Variants in ALG14 observed in about 807,000 individuals in gnomAD.
ALG14 encodes ALG14 UDP-N-acetylglucosaminyltransferase subunit.
In ALG14, 17 loss-of-function variants were observed where a neutral mutation model predicts 22.8. That is an observed-to-expected ratio of 0.75 (90% CI 0.51 to 1.12). The LOEUF is 1.12. Among genes scored for constraint, ALG14 ranks in the 50% most tolerant of loss-of-function variants. The probability of loss-of-function intolerance (pLI) is 0.00; values close to 1 mark genes in which losing one functional copy is unlikely to be tolerated. For synonymous variants in ALG14, 89 were observed against 103.7 expected (o/e 0.86, Z 0.86); for missense variants, 288 against 271.8 (o/e 1.06, Z -0.42).
chr1:95,045,945 T>C lies in ALG14; in HGVS notation c.289-18685A>G, dbSNP rs546409631. On this transcript the variant is annotated intron_variant, in intron 2 of 3. Transcript: ENST00000370205. ...TTAGTATACTAATAGAATAGTATAC[T>C]AATAATTAGTATACTAATAGAATAG... Among the ~76,000 whole-genome samples, 69 of 148,374 alleles carry C rather than the reference T, an allele frequency of 4.7e-4. 1 individual carries two copies. The highest frequency in any genetic ancestry group is 1.5e-3 in the African/African-American group (63 of 40,700).
chr1:95,056,663 T>G (rs1674942873), intron 2 of ALG14, among the ~76,000 whole-genome samples: 1 of 151,306 alleles, frequency 6.6e-6, no homozygotes, highest in South Asian at 2.1e-4. Context: ...AAGAAAAATA[T>G]TAAAACTTCT....
At chr1:95,014,786 TTA>T (rs1481911965) in intron 3 of ALG14, among the ~76,000 whole-genome samples, 3 of 152,190 alleles carry the variant, frequency 2.0e-5, no homozygotes, top group Non-Finnish European at 4.4e-5. Flanking sequence ...CAAGTAGGTT[TTA>T]TGATCCCAGA....
intron 2 of ALG14, among the ~76,000 whole-genome samples, chr1:95,054,251 T>A (rs1674853715): frequency 6.6e-6 from 1 of 152,170 alleles, no homozygotes; most frequent in Admixed American, 6.5e-5. Context: ...GACTGGATCA[T>A]GGGGGTAGAG....
chr1:95,013,973 C>T (rs1433028219), intron 3 of ALG14, among the ~76,000 whole-genome samples: 2 of 150,322 alleles, frequency 1.3e-5, no homozygotes, highest in African/African-American at 4.9e-5. Context: ...ATTTATGATT[C>T]CCCACTTGAA....
chr1:95,043,661 T>G (rs1223823984), intron 2 of ALG14, among the ~76,000 whole-genome samples: 1 of 152,004 alleles, frequency 6.6e-6, no homozygotes, highest in African/African-American at 2.4e-5. Context: ...CTTCAACACT[T>G]GGAGGGGCCC....
intron 2 of ALG14, among the ~76,000 whole-genome samples, chr1:95,046,862 C>A (rs1674574130): frequency 6.6e-6 from 1 of 152,080 alleles, no homozygotes; most frequent in African/African-American, 2.4e-5. Flanking sequence ...CTTTGGGAGG[C>A]TGAGGTGGGT....
chr1:95,038,850 C>T (rs982219482), intron 2 of ALG14, among the ~76,000 whole-genome samples: 1 of 151,698 alleles, frequency 6.6e-6, no homozygotes. Flanking sequence ...TTCTGGGTAG[C>T]CAGGACTACA....
In ALG14 at chr1:94,977,608, T is replaced by C. The variant is rs1302374387; in HGVS notation, c.*5468A>G. 1 of 152,134 alleles carries C rather than the reference T, an allele frequency of 6.6e-6. No individual in the cohort carries two copies. Among genetic ancestry groups the C allele is most frequent in the Non-Finnish European group, 1.5e-5 (1 of 68,032 alleles). 9.4% of individuals were successfully genotyped at this position (152,134 alleles called of 1,614,324 possible). A position where few individuals can be genotyped will look rare whatever the true frequency, so the allele number is the denominator to read the frequency against. On this transcript the variant is annotated 3_prime_UTR_variant, in exon 4 of 4. Coordinates refer to ENST00000370205, the MANE Select transcript of ALG14 (RefSeq NM_144988.4). ...TTTGTCTAGTTTCTACAATGGTAAA[T>C]ATTGACAAATATAGCTCACACAAAC...
chr1:95,051,438 T>G (rs575073894), intron 2 of ALG14, among the ~76,000 whole-genome samples: 1 of 152,162 alleles, frequency 6.6e-6, no homozygotes, highest in Admixed American at 6.5e-5. Flanking sequence ...AGCACTGCAA[T>G]AGCCTCTAAA....
intron 2 of ALG14, among the ~76,000 whole-genome samples, chr1:95,047,876 T>C (rs139505230): frequency 7.4e-4 from 113 of 152,228 alleles, no homozygotes; most frequent in African/African-American, 2.6e-3. Flanking sequence ...CTTGGGAAGC[T>C]GAGGCAGGAG....
chr1:95,026,974 G>A (rs558608434), intron 3 of ALG14, among the ~76,000 whole-genome samples, 155 bp downstream of exon 3: 2 of 152,276 alleles, frequency 1.3e-5, no homozygotes, highest in South Asian at 4.1e-4. Flanking sequence ...CTGGAGCCTG[G>A]GAAGTCCAAG....
At chr1:95,068,400 C>G (rs1288611952) in intron 1 of ALG14, among the ~76,000 whole-genome samples, 1 of 152,096 alleles carries the variant, frequency 6.6e-6, no homozygotes, top group Non-Finnish European at 1.5e-5. Context: ...GATTCTCCTG[C>G]CTCAGCCTCC....
intron 3 of ALG14, among the ~76,000 whole-genome samples, chr1:95,016,486 G>C (rs560475242): frequency 3.9e-4 from 60 of 152,184 alleles, no homozygotes; most frequent in African/African-American, 1.4e-3. Flanking sequence ...AGAGGAAAGG[G>C]AATATGCAGA....
chr1:95,034,685 ATC>A (rs1674124771), intron 2 of ALG14, among the ~76,000 whole-genome samples: 1 of 151,946 alleles, frequency 6.6e-6, no homozygotes, highest in African/African-American at 2.4e-5. Context: ...TCTTGCTTGG[ATC>A]TCTGTGTCTC....
chr1:95,060,162 ACACACACACACACACG>A (rs1452406116), intron 2 of ALG14, among the ~76,000 whole-genome samples: 1 of 100,482 alleles, frequency 1.0e-5, no homozygotes, highest in African/African-American at 3.8e-5. Context: ...ACACACACAC[ACACACACACACACACG>A]TGGTGGTACC....
intron 3 of ALG14, among the ~76,000 whole-genome samples, chr1:94,999,085 G>A (rs1234632430): frequency 2.6e-5 from 4 of 151,970 alleles, no homozygotes; most frequent in Non-Finnish European, 4.4e-5. Context: ...CAAAACTTTT[G>A]AAACATGTCA....
intron 1 of ALG14, among the ~76,000 whole-genome samples, chr1:95,066,741 CA>C (rs1675383126): frequency 6.6e-6 from 1 of 151,696 alleles, no homozygotes; most frequent in Admixed American, 6.6e-5. Flanking sequence ...CGAAAAAAAA[CA>C]AAAAAGTTAG....
intron 2 of ALG14, among the ~76,000 whole-genome samples, chr1:95,033,703 T>C (rs2100783378): frequency 6.6e-6 from 1 of 151,898 alleles, no homozygotes; most frequent in East Asian, 1.9e-4. Context: ...CATGTTTCCT[T>C]CTCCCAAAAC....
At chr1:95,038,910 CG>C (rs1374225520) in intron 2 of ALG14, among the ~76,000 whole-genome samples, 1 of 151,986 alleles carries the variant, frequency 6.6e-6, no homozygotes, top group Non-Finnish European at 1.5e-5. Flanking sequence ...TTTCTAAAGA[CG>C]GGGTCTTCCT....
Sources: allele counts gnomAD v4.1 joint callset (sites outside exome capture counted in the v4.1 genomes callset), GRCh38; gene constraint gnomAD v4.1.1; transcripts MANE v1.5; gene names NCBI Gene and HGNC (gene_info 2026-07-23, HGNC 2026-07-21).